Variants in KLF11 observed in about 807,000 individuals in gnomAD.
KLF11 encodes Krueppel-like factor 11.
Under a neutral mutation model 29.9 loss-of-function variants are expected in KLF11, and 26 were observed. The observed-to-expected ratio is 0.87, with a 90% confidence interval of 0.64 to 1.21. The LOEUF is 1.21. Among genes scored for constraint, KLF11 ranks in the 50% most tolerant of loss-of-function variants. The pLI is 0.00. For synonymous variants in KLF11, 318 were observed against 257.4 expected (o/e 1.24, Z -2.25); for missense variants, 778 against 665.7 (o/e 1.17, Z -1.86).
chr2:10,048,908 CTTTTTTTTTTTTT>C (rs58347649), intron 3 of KLF11, among the ~76,000 whole-genome samples: 2 of 121,638 alleles, frequency 1.6e-5, no homozygotes, highest in East Asian at 2.5e-4. Flanking sequence ...ACGTTTCATC[CTTTTTTTTTTTTT>C]TTTTTTTTTA....
chr2:10,044,023 G>GC, intron 1 of KLF11: 1 of 725,762 alleles, frequency 1.4e-6, no homozygotes, highest in Non-Finnish European at 1.7e-6. Context: ...CGCCCCGCTG[G>GC]CCCCGCGGCT....
At chr2:10,051,437 C>T (rs1384989019) in intron 3 of KLF11, among the ~76,000 whole-genome samples, 1 of 151,852 alleles carries the variant, frequency 6.6e-6, no homozygotes, top group African/African-American at 2.4e-5. Context: ...GAACTTCTGA[C>T]CTCAGGTGGT....
In KLF11 at chr2:10,049,842, A is replaced by G. The variant is rs892495127; in HGVS notation, c.1258+1247A>G. Among the ~76,000 whole-genome samples the G allele has an allele frequency of 5.9e-5, 9 of 152,180 alleles. 1 individual carries two copies. The highest frequency in any genetic ancestry group is 1.0e-4 in the Non-Finnish European group (7 of 68,032). Reference sequence around the variant, plus strand: ...CAGTAAATGAGGGTTGGTTGTTTGCATGGCAGATGGACGTGGGGCTGTGTC... The same window carrying G: ...CAGTAAATGAGGGTTGGTTGTTTGCGTGGCAGATGGACGTGGGGCTGTGTC... On this transcript the variant is annotated intron_variant, in intron 3 of 3. Transcript: ENST00000305883.
At position 10,053,502 on chromosome 2, in the gene KLF11, C is replaced by G. The variant is rs1210113375; in HGVS notation, c.*995C>G. The G allele has an allele frequency of 1.3e-5, 5 of 398,408 alleles. No homozygotes were observed. Among genetic ancestry groups the G allele is most frequent in the Non-Finnish European group, 1.8e-5 (4 of 226,044 alleles). 24.7% of individuals were successfully genotyped at this position (398,408 alleles called of 1,614,324 possible). ...ATGTCTGTATTGGTTGGATGAAACT[C>G]CACCAGAGCACAGCTTAGCTGGGGC... On this transcript the variant is annotated 3_prime_UTR_variant, in exon 4 of 4. Coordinates refer to ENST00000305883, the MANE Select transcript of KLF11 (RefSeq NM_003597.5).
Position 10,051,403 on chromosome 2 carries a change from C to T in KLF11, c.1259-824C>T, listed in dbSNP as rs183684828. ...TTTGTATTTTTAGTAGAGACAGTTT[C>T]GCCATGTTGGTCAGGCTGGTCTCGA... On this transcript the variant is annotated intron_variant, in intron 3 of 3. Transcript: ENST00000305883. Among the ~76,000 whole-genome samples the T allele has an allele frequency of 5.9e-3, 894 of 152,136 alleles. 10 individuals are homozygous for T. Among genetic ancestry groups the T allele is most frequent in the African/African-American group, 0.021 (859 of 41,506 alleles).
Position 10,048,325 on chromosome 2 carries a change from G to A in KLF11, c.988G>A (p.Val330Met), listed in dbSNP as rs756696368. ...QAAPAPQPVF[V>M]GPAVPQGAVM... is the part of the protein sequence containing the mutation. ...TGCTCCAGCGCCTCAACCTGTGTTC[G>A]TGGGACCTGCTGTGCCTCAGGGAGC... Residue 330 changes from valine to methionine, a missense_variant, in exon 3 of 4, where the codon GTG becomes ATG. Physicochemically the swap from Val to Met is conservative, Grantham distance 21. Transcript: ENST00000305883. The A allele has an allele frequency of 5.6e-6, 9 of 1,601,758 alleles. No homozygotes were observed. Among genetic ancestry groups the A allele is most frequent in the South Asian group, 1.1e-5 (1 of 89,520 alleles).
intron 3 of KLF11, among the ~76,000 whole-genome samples, chr2:10,050,707 C>G (rs2125281537): frequency 6.6e-6 from 1 of 151,926 alleles, no homozygotes; most frequent in Non-Finnish European, 1.5e-5. Flanking sequence ...GACTCCGTCT[C>G]AAAAAATAAA....
At chr2:10,052,164 A>G (rs1215405705) in intron 3 of KLF11, 63 bp from the exon 4 acceptor site, 25 of 1,475,812 alleles carry the variant, frequency 1.7e-5, no homozygotes, top group Non-Finnish European at 2.3e-5. Context: ...GACATGAATT[A>G]ACCCCTTGAA....
Position 10,047,870 on chromosome 2 carries a change from A to G in KLF11, c.533A>G (p.His178Arg), listed in dbSNP as rs1438355580. 1.9e-6 allele frequency: 3 copies of G among 1,613,792 alleles called. No homozygotes were observed. The highest frequency in any genetic ancestry group is 2.5e-6 in the Non-Finnish European group (3 of 1,180,044). ...GCCAAGGGGACTAGCGTGATCCGAC[A>G]CACTGGGGAGAGCCCTGCTGCCTGC... ...CRAKGTSVIR[H>R]TGESPAACFP... is the part of the protein sequence containing the mutation. The change falls in exon 3 of 4, where the codon CAC becomes CGC. Residue 178 changes from histidine (H) to arginine (R), a missense_variant. His to Arg is a conservative substitution (Grantham distance 29). Transcript: ENST00000305883.
rs1661457166 is a variant in KLF11 at position 10,053,118 on chromosome 2, T to G, written c.*611T>G. 1 of 397,922 alleles carries G rather than the reference T, an allele frequency of 2.5e-6. No individual in the cohort carries two copies. Among genetic ancestry groups the G allele is most frequent in the Non-Finnish European group, 4.4e-6 (1 of 226,298 alleles). The allele number at this position is 397,922 out of a possible 1,614,324, so 24.6% of individuals were successfully genotyped here. The stretch of plus-strand genomic sequence containing the variant: ...GGAAAAATAAATTTTGCCGTCAGCT[T>G]CTTCATAACGTTTTCAAGGAAATTC... On this transcript the variant is annotated 3_prime_UTR_variant, in exon 4 of 4. Coordinates refer to ENST00000305883, the MANE Select transcript of KLF11 (RefSeq NM_003597.5).
chr2:10,048,227 GC>G lies in KLF11; in HGVS notation c.891del (p.Ser297ArgfsTer7). 2 of 1,613,924 alleles carry G rather than the reference GC, an allele frequency of 1.2e-6. No homozygotes were observed. Among genetic ancestry groups the G allele is most frequent in the Non-Finnish European group, 1.7e-6 (2 of 1,179,798 alleles). ...CQMIPVTGQS[S>X]MLPAFLKPPP... ...ATGATCCCTGTGACTGGACAAAGTA[GC>G]ATGTTACCAGCTTTTTTGAAGCCCC... On this transcript the variant is annotated frameshift_variant, in exon 3 of 4. Coordinates refer to ENST00000305883, the MANE Select transcript of KLF11 (RefSeq NM_003597.5). LOFTEE classifies it high-confidence loss of function.
chr2:10,044,323 A>G (rs1249977073), intron 1 of KLF11: 4 of 985,216 alleles, frequency 4.1e-6, no homozygotes, highest in African/African-American at 3.5e-5. Context: ...GGAACGCGGC[A>G]CGCGAGCGTT....
In KLF11 at chr2:10,052,585, C is replaced by T. The variant is rs1360854187; in HGVS notation, c.*78C>T. On this transcript the variant is annotated 3_prime_UTR_variant, in exon 4 of 4. Coordinates refer to ENST00000305883, the MANE Select transcript of KLF11 (RefSeq NM_003597.5). ...ATGGAACTGATGGATTCCTCTCCCA[C>T]TGCCTCACCCAAAAAAAACGGTCTT... 3 of 1,485,526 alleles carry T rather than the reference C, an allele frequency of 2.0e-6. No homozygotes were observed. The highest frequency in any genetic ancestry group is 2.7e-5 in the African/African-American group (2 of 72,848). The allele number at this position is 1,485,526 out of a possible 1,614,324, so 92.0% of individuals were successfully genotyped here. A position where few individuals can be genotyped will look rare whatever the true frequency, so the allele number is the denominator to read the frequency against.
chr2:10,049,595 TTC>T (rs1320213596), intron 3 of KLF11, among the ~76,000 whole-genome samples: 4 of 152,180 alleles, frequency 2.6e-5, no homozygotes, highest in Middle Eastern at 3.2e-3. Flanking sequence ...CTATGTCTGG[TTC>T]CATATTTCCA....
Position 10,052,603 on chromosome 2 carries a change from AC to A in KLF11, c.*97del. On this transcript the variant is annotated 3_prime_UTR_variant, in exon 4 of 4. Transcript: ENST00000305883. Reference sequence around the variant, plus strand: ...TCTCCCACTGCCTCACCCAAAAAAAACGGTCTTGGCGGCCTAGGGGAAGATC... The same window carrying A: ...TCTCCCACTGCCTCACCCAAAAAAAAGGTCTTGGCGGCCTAGGGGAAGATC... 1 of 1,403,630 alleles carries A rather than the reference AC, an allele frequency of 7.1e-7. No homozygotes were observed. Among genetic ancestry groups the A allele is most frequent in the African/African-American group, 1.4e-5 (1 of 71,104 alleles). The allele number at this position is 1,403,630 out of a possible 1,614,324, so 86.9% of individuals were successfully genotyped here. A position where few individuals can be genotyped will look rare whatever the true frequency, so the allele number is the denominator to read the frequency against.
intron 3 of KLF11, 129 bp downstream of exon 3, chr2:10,048,724 T>C (rs1661312996): frequency 1.3e-6 from 1 of 760,266 alleles, no homozygotes; most frequent in Non-Finnish European, 2.3e-6. Flanking sequence ...GCTTTTTCTT[T>C]GGTTCTGAAA....
At position 10,048,438 on chromosome 2, in the gene KLF11, G is replaced by T. The variant is rs1181741838; in HGVS notation, c.1101G>T (p.Leu367Phe). ...NVMAAGNTKL[L>F]PLAPAPVFIT... Reference sequence around the variant, plus strand: ...TGGCTGCCGGGAATACCAAGTTGTTGCCCCTTGCCCCTGCTCCAGTGTTCA... The same window carrying T: ...TGGCTGCCGGGAATACCAAGTTGTTTCCCCTTGCCCCTGCTCCAGTGTTCA... The change falls in exon 3 of 4, where the codon TTG (leucine) becomes TTT (phenylalanine). Residue 367 changes from leucine (L) to phenylalanine (F), a missense_variant. Coordinates refer to ENST00000305883, the MANE Select transcript of KLF11 (RefSeq NM_003597.5). The T allele has an allele frequency of 6.2e-7, 1 of 1,614,116 alleles. No individual in the cohort carries two copies. Among genetic ancestry groups the T allele is most frequent in the Non-Finnish European group, 8.5e-7 (1 of 1,180,040 alleles).
chr2:10,044,277 C>A (rs1273320674), intron 1 of KLF11: 3 of 983,186 alleles, frequency 3.1e-6, no homozygotes, highest in East Asian at 2.3e-4. Context: ...GCGGGAGCGC[C>A]GCACTGCCTT....
chr2:10,053,384 C>T lies in KLF11; in HGVS notation c.*877C>T, dbSNP rs1661466017. On this transcript the variant is annotated 3_prime_UTR_variant, in exon 4 of 4. Coordinates refer to ENST00000305883, the MANE Select transcript of KLF11 (RefSeq NM_003597.5). ...ACACCAAAAAAGAAACACTCAAATCCAGCTGCTTTGTCAATTGTCAGTTCT... is the reference window on the plus strand; with the variant it reads ...ACACCAAAAAAGAAACACTCAAATCTAGCTGCTTTGTCAATTGTCAGTTCT... 2.5e-6 allele frequency: 1 copy of T among 398,626 alleles called. No individual in the cohort carries two copies. Among genetic ancestry groups the T allele is most frequent in the Non-Finnish European group, 4.4e-6 (1 of 226,082 alleles). 24.7% of individuals were successfully genotyped at this position (398,626 alleles called of 1,614,324 possible).
Sources: allele counts gnomAD v4.1 joint callset (sites outside exome capture counted in the v4.1 genomes callset), GRCh38; gene constraint gnomAD v4.1.1; transcripts MANE v1.5; gene names NCBI Gene and HGNC (gene_info 2026-07-23, HGNC 2026-07-21).